ERC2: variants seen among roughly 807,000 people sequenced by gnomAD.
The protein encoded by ERC2 is ERC protein 2.
ERC2 carries 42 observed loss-of-function variants against 114.8 expected under a neutral mutation model. That is an observed-to-expected ratio of 0.37 (90% confidence interval 0.29 to 0.47). The LOEUF (loss-of-function observed/expected upper bound fraction) is 0.47, where lower values mean the gene tolerates loss of function less well. Ranked by LOEUF, ERC2 falls within the 20% of genes least tolerant of loss-of-function variation. The pLI, the probability that ERC2 is intolerant of heterozygous loss-of-function variation, is 0.99. For missense variants in ERC2, 939 were observed against 1,150.7 expected (o/e 0.82, Z 2.66); for synonymous variants, 454 against 425.5 (o/e 1.07, Z -0.82).
At chr3:55,670,900 C>T (rs1156478777) in intron 17 of ERC2, among the ~76,000 whole-genome samples, 10 of 152,136 alleles carry the variant, frequency 6.6e-5, no homozygotes, top group Middle Eastern at 3.4e-3. Context: ...TTTCACTGTC[C>T]ATAAATATAG....
At chr3:55,729,962 C>T (rs986956028) in intron 15 of ERC2, among the ~76,000 whole-genome samples, 1 of 150,390 alleles carries the variant, frequency 6.6e-6, no homozygotes, top group African/African-American at 2.4e-5. Context: ...AATGAATACT[C>T]GTTAAGTTGA....
intron 13 of ERC2, among the ~76,000 whole-genome samples, chr3:55,908,856 C>G (rs565389820): frequency 1.7e-4 from 26 of 152,258 alleles, no homozygotes; most frequent in African/African-American, 6.3e-4. Context: ...CAAGGACCAC[C>G]TTTTCTAGCC....
intron 14 of ERC2, among the ~76,000 whole-genome samples, chr3:55,785,777 T>A (rs1314143441): frequency 1.3e-5 from 2 of 151,878 alleles, no homozygotes; most frequent in Admixed American, 1.3e-4. Context: ...ACAGTTTGTC[T>A]TTTCTCCTGC....
intron 6 of ERC2, among the ~76,000 whole-genome samples, chr3:56,117,917 C>A (rs2079337828): frequency 6.6e-6 from 1 of 152,168 alleles, no homozygotes; most frequent in South Asian, 2.1e-4. Context: ...TAGAGGTGAG[C>A]AGATTTTAGA....
At chr3:55,931,888 T>G (rs375772502) in intron 13 of ERC2, among the ~76,000 whole-genome samples, 2 of 152,228 alleles carry the variant, frequency 1.3e-5, no homozygotes, top group Non-Finnish European at 2.9e-5. Context: ...TCATTTGCTG[T>G]GCATGTGCTT....
intron 6 of ERC2, among the ~76,000 whole-genome samples, chr3:56,099,639 G>C (rs79784038): frequency 0.017 from 2,589 of 152,256 alleles, 28 homozygotes; most frequent in Middle Eastern, 0.037. Context: ...GACACCGAGG[G>C]GCCATGTGCG....
chr3:55,703,040 A>T (rs2063306362), intron 15 of ERC2, among the ~76,000 whole-genome samples: 1 of 152,184 alleles, frequency 6.6e-6, no homozygotes, highest in African/African-American at 2.4e-5. Flanking sequence ...CTGTGGAGAC[A>T]AATCTAATCA....
intron 17 of ERC2, among the ~76,000 whole-genome samples, chr3:55,547,557 T>C (rs900359613): frequency 2.6e-5 from 4 of 152,138 alleles, no homozygotes; most frequent in African/African-American, 7.2e-5. Context: ...AGCTCCTCTT[T>C]AGAATAATGA....
intron 2 of ERC2, among the ~76,000 whole-genome samples, chr3:56,323,632 T>C (rs2057226037): frequency 6.6e-6 from 1 of 152,168 alleles, no homozygotes; most frequent in Non-Finnish European, 1.5e-5. Flanking sequence ...ATTATTACAC[T>C]GCAATAGATA....
intron 4 of ERC2, among the ~76,000 whole-genome samples, chr3:56,168,514 A>G (rs1469944159): frequency 6.6e-6 from 1 of 152,218 alleles, no homozygotes; most frequent in African/African-American, 2.4e-5. Flanking sequence ...CAGCTACTTC[A>G]TAGTGTCTCT....
At chr3:56,255,872 G>C (rs35110829) in intron 3 of ERC2, among the ~76,000 whole-genome samples, 35,648 of 152,098 alleles carry the variant, frequency 0.23, 4,905 homozygotes, top group Non-Finnish European at 0.3. Flanking sequence ...CGTTGCCTAG[G>C]AGCTAATTAG....
intron 7 of ERC2, among the ~76,000 whole-genome samples, chr3:56,073,599 C>T (rs148121953): frequency 1.3e-4 from 20 of 152,236 alleles, no homozygotes; most frequent in African/African-American, 3.9e-4. Context: ...AGTGAGTTTG[C>T]CTACACCAAG....
chr3:55,838,327 T>A (rs2060988631), intron 14 of ERC2, among the ~76,000 whole-genome samples: 2 of 151,930 alleles, frequency 1.3e-5, no homozygotes, highest in Admixed American at 6.6e-5. Flanking sequence ...CCTCAAGAAA[T>A]TTAAAAGAAT....
chr3:55,758,843 G>C (rs11130483), intron 14 of ERC2, among the ~76,000 whole-genome samples: 72,710 of 152,004 alleles, frequency 0.48, 18,120 homozygotes, highest in Admixed American at 0.56. Context: ...ATCAAATACA[G>C]TCTTCAGTAA....
intron 14 of ERC2, among the ~76,000 whole-genome samples, chr3:55,877,444 A>G (rs1477216531): frequency 6.6e-6 from 1 of 152,074 alleles, no homozygotes; most frequent in Non-Finnish European, 1.5e-5. Flanking sequence ...TAGAGTGCTC[A>G]GGGTTCTCCT....
chr3:55,985,649 A>G (rs532545596), intron 12 of ERC2, among the ~76,000 whole-genome samples: 5 of 152,324 alleles, frequency 3.3e-5, no homozygotes, highest in African/African-American at 9.6e-5. Context: ...CCATGGCTCC[A>G]CGTTGTATCA....
chr3:56,455,747 C>T (rs1264877829), intron 1 of ERC2, among the ~76,000 whole-genome samples: 2 of 152,154 alleles, frequency 1.3e-5, no homozygotes, highest in Non-Finnish European at 2.9e-5. Context: ...AGATAAACTA[C>T]GTCTCTCAGT....
At chr3:56,102,913 A>G (rs1336723624) in intron 6 of ERC2, among the ~76,000 whole-genome samples, 1 of 152,132 alleles carries the variant, frequency 6.6e-6, no homozygotes, top group Non-Finnish European at 1.5e-5. Context: ...TTTTTTTGTC[A>G]CCATTGACCA....
chr3:55,883,422 T>G (rs1337753481), intron 14 of ERC2, among the ~76,000 whole-genome samples: 1 of 152,248 alleles, frequency 6.6e-6, no homozygotes, highest in Admixed American at 6.5e-5. Context: ...TAAGAGTGGA[T>G]GTAAGTATAA....
Sources: gnomAD v4.1 joint callset for allele counts (sites outside exome capture counted in the v4.1 genomes callset) on GRCh38, gnomAD v4.1.1 for gene constraint, MANE v1.5 for transcripts, NCBI Gene and HGNC (gene_info 2026-07-23, HGNC 2026-07-21) for gene names.